The following BICRA variants were observed in gnomAD, a reference collection of about 807,000 sequenced individuals.
BICRA encodes BRD4-interacting chromatin-remodeling complex-associated protein.
BICRA carries 31 observed loss-of-function variants against 96.9 expected under a neutral mutation model. That is an observed-to-expected ratio of 0.32 (90% CI 0.24 to 0.43). The LOEUF is 0.43. Among genes scored for constraint, BICRA ranks in the 20% least tolerant of loss-of-function variants. BICRA has a pLI of 1.00. For missense variants in BICRA, 2,283 were observed against 2,190.3 expected (o/e 1.04, Z -0.84); for synonymous variants, 1,350 against 1,071.8 (o/e 1.26, Z -5.07).
At chr19:47,687,941 G>A (rs1324780543) in intron 7 of BICRA, among the ~76,000 whole-genome samples, 1 of 152,126 alleles carries the variant, frequency 6.6e-6, no homozygotes, top group East Asian at 1.9e-4. Context: ...CCATTTTGTG[G>A]AAAGTGCTAA....
intron 1 of BICRA, among the ~76,000 whole-genome samples, chr19:47,652,290 A>T (rs948298769): frequency 6.6e-6 from 1 of 152,082 alleles, no homozygotes; most frequent in African/African-American, 2.4e-5. Context: ...GGCTCAAGCA[A>T]TCCTCCTACC....
upstream of BICRA, chr19:47,608,472 G>C (rs1327169337): frequency 6.6e-6 from 1 of 152,164 alleles, no homozygotes; most frequent in South Asian, 2.1e-4. Flanking sequence ...CCCCCTGGAC[G>C]CGTCCTCCCG....
intron 1 of BICRA, among the ~76,000 whole-genome samples, chr19:47,660,059 C>A (rs1972682480): frequency 6.6e-6 from 1 of 152,140 alleles, no homozygotes; most frequent in African/African-American, 2.4e-5. Context: ...GTAACAAATA[C>A]CACAGATGCA....
intron 1 of BICRA, among the ~76,000 whole-genome samples, chr19:47,658,290 G>A (rs1972650922): frequency 6.6e-6 from 1 of 152,142 alleles, no homozygotes; most frequent in African/African-American, 2.4e-5. Context: ...GAGCCTCAGA[G>A]AAGACTCGGT....
Position 47,635,323 on chromosome 19 carries a change from C to T in BICRA, c.-108+26155C>T, listed in dbSNP as rs553304916. Reference sequence around the variant, plus strand: ...AGTGCAGTGGCTGGATCTTGGCTCACTGCAACCTCCGCCTCCTGGGCTCAA... The same window carrying T: ...AGTGCAGTGGCTGGATCTTGGCTCATTGCAACCTCCGCCTCCTGGGCTCAA... On this transcript the variant is annotated intron_variant, in intron 1 of 14. Transcript: ENST00000594866. Among the ~76,000 whole-genome samples, 9 of 151,694 alleles carry T rather than the reference C, an allele frequency of 5.9e-5. No homozygotes were observed. In the South Asian group the frequency reaches 1.9e-3, roughly 32 times the overall value.
At chr19:47,647,175 T>G (rs1972471919) in intron 1 of BICRA, among the ~76,000 whole-genome samples, 1 of 152,204 alleles carries the variant, frequency 6.6e-6, no homozygotes, top group African/African-American at 2.4e-5. Flanking sequence ...CACATTTTGT[T>G]TATCCGTTCA....
chr19:47,638,912 C>T (rs1364629130), intron 1 of BICRA, among the ~76,000 whole-genome samples: 1 of 152,184 alleles, frequency 6.6e-6, no homozygotes, highest in East Asian at 1.9e-4. Context: ...GCCCTGGCCT[C>T]CCAAAGTTCT....
At chr19:47,644,745 C>T (rs1972435110) in intron 1 of BICRA, among the ~76,000 whole-genome samples, 1 of 152,208 alleles carries the variant, frequency 6.6e-6, no homozygotes, top group African/African-American at 2.4e-5. Context: ...AAGTGATCCG[C>T]CTGCCTTGGC....
chr19:47,625,256 TC>T (rs1361293202), intron 1 of BICRA, among the ~76,000 whole-genome samples: 1 of 150,598 alleles, frequency 6.6e-6, no homozygotes, highest in East Asian at 2.0e-4. Flanking sequence ...CTCCTCAGCC[TC>T]CCAAAGTGTT....
At chr19:47,694,087 C>CATCAGCCCCA in intron 7 of BICRA, 28 bp from the exon 8 acceptor site, 4 of 1,410,874 alleles carry the variant, frequency 2.8e-6, no homozygotes, top group Admixed American at 2.9e-5. Context: ...ACCCCCGCCC[C>CATCAGCCCCA]TCCCCTCTCC....
intron 1 of BICRA, among the ~76,000 whole-genome samples, chr19:47,666,026 A>G (rs916466517): frequency 6.6e-6 from 1 of 152,226 alleles, no homozygotes; most frequent in Non-Finnish European, 1.5e-5. Context: ...GATCACAACT[A>G]GCGTACACAC....
chr19:47,627,849 A>C (rs1284497575), intron 1 of BICRA, among the ~76,000 whole-genome samples: 5 of 152,126 alleles, frequency 3.3e-5, no homozygotes, highest in Non-Finnish European at 5.9e-5. Context: ...GGCTCACTGC[A>C]ACCTCCACCT....
In BICRA at chr19:47,680,679, C is replaced by G. The variant is rs1973031442; in HGVS notation, c.1509C>G (p.Pro503=). The stretch of plus-strand genomic sequence containing the variant: ...GGCAGATCCTGGCGGCCGCTGCCCC[C>G]CACACAGGTGGACAGCTCATCGCGA... ...VGGQILAAAA[P]HTGGQLIANP... The change falls in exon 6 of 15, where the codon CCC becomes CCG. Residue 503 remains proline (P), a synonymous_variant. Transcript: ENST00000594866. The G allele has an allele frequency of 1.2e-6, 2 of 1,604,478 alleles. No individual in the cohort carries two copies. The highest frequency in any genetic ancestry group is 1.7e-6 in the Non-Finnish European group (2 of 1,175,578).
At position 47,698,305 on chromosome 19, in the gene BICRA, G is replaced by A. The variant is rs1340540542; in HGVS notation, c.3249-329G>A. Among the ~76,000 whole-genome samples the A allele has an allele frequency of 6.6e-6, 1 of 152,182 alleles. No individual in the cohort carries two copies. Among genetic ancestry groups the A allele is most frequent in the Non-Finnish European group, 1.5e-5 (1 of 68,022 alleles). ...GCCACACTGGCCCCAGGTGGCAGGA[G>A]GCAGAATAGCAGCTTCCAGGCTCTG... On this transcript the variant is annotated intron_variant, in intron 11 of 14. Transcript: ENST00000594866. This position sits in a 1 kb window ranked among gnomAD's most constrained non-coding sequence, Gnocchi z 4.8.
Position 47,699,239 on chromosome 19 carries a change from G to T in BICRA, c.3493-64G>T. On this transcript the variant is annotated intron_variant, in intron 13 of 14. Coordinates refer to ENST00000594866, the MANE Select transcript of BICRA (RefSeq NM_001394372.1). This position sits in a 1 kb window ranked among gnomAD's most constrained non-coding sequence, Gnocchi z 5.0. ...TTTGGACCTTGCACGCATCGTCCCC[G>T]TCGCTCGCGCCCCTTCCCCCTTCTT... 1 of 983,846 alleles carries T rather than the reference G, an allele frequency of 1.0e-6. No homozygotes were observed. Among genetic ancestry groups the T allele is most frequent in the Non-Finnish European group, 1.6e-6 (1 of 630,038 alleles). 60.9% of individuals were successfully genotyped at this position (983,846 alleles called of 1,614,324 possible).
chr19:47,653,759 C>T (rs937994429), intron 1 of BICRA, among the ~76,000 whole-genome samples: 1 of 152,152 alleles, frequency 6.6e-6, no homozygotes, highest in African/African-American at 2.4e-5. Flanking sequence ...CGTTCATCCA[C>T]GGACGGGCAT....
At position 47,702,447 on chromosome 19, in the gene BICRA, C is replaced by T; in HGVS notation, c.*32C>T. Reference sequence around the variant, plus strand: ...GCCGCCTCCCCTTCCCCGTCCCCTCCTCCCGAAGACGCCGGGACAGTCGGG... The same window carrying T: ...GCCGCCTCCCCTTCCCCGTCCCCTCTTCCCGAAGACGCCGGGACAGTCGGG... On this transcript the variant is annotated 3_prime_UTR_variant, in exon 15 of 15. Transcript: ENST00000594866. 2.8e-6 allele frequency: 4 copies of T among 1,448,336 alleles called. No individual in the cohort carries two copies. Among genetic ancestry groups the T allele is most frequent in the Non-Finnish European group, 3.6e-6 (4 of 1,114,392 alleles). The allele number at this position is 1,448,336 out of a possible 1,614,324, so 89.7% of individuals were successfully genotyped here.
intron 7 of BICRA, among the ~76,000 whole-genome samples, chr19:47,688,388 T>C (rs948548678): frequency 2.0e-5 from 3 of 151,996 alleles, no homozygotes; most frequent in African/African-American, 7.2e-5. Context: ...GAAGACCAAA[T>C]AATAATAATA....
At chr19:47,682,244 C>A (rs948328759) in intron 7 of BICRA, 92 bp downstream of exon 7, 1 of 607,640 alleles carries the variant, frequency 1.6e-6, no homozygotes, top group African/African-American at 1.9e-5. Flanking sequence ...GCCCTGCCTG[C>A]GTCTCTGTTC....
Sources: allele counts gnomAD v4.1 joint callset (sites outside exome capture counted in the v4.1 genomes callset), GRCh38; gene constraint gnomAD v4.1.1; non-coding constraint Gnocchi (gnomAD v3.1); transcripts MANE v1.5; gene names NCBI Gene and HGNC (gene_info 2026-07-23, HGNC 2026-07-21).